NPSR1: variants seen among roughly 807,000 people sequenced by gnomAD.
The protein encoded by NPSR1 is neuropeptide S receptor 1, also known as neuropeptide S receptor.
Under a neutral mutation model 46.9 loss-of-function variants are expected in NPSR1, and 48 were observed. That is an observed-to-expected ratio of 1.02 (90% CI 0.81 to 1.30). The LOEUF (loss-of-function observed/expected upper bound fraction) is 1.30. NPSR1 is among the 50% of genes most tolerant of loss of function. NPSR1 has a pLI of 0.00. For synonymous variants in NPSR1, 176 were observed against 168.1 expected, an observed-to-expected ratio of 1.05 and a Z score of -0.36; for missense variants, 450 against 449.5, an observed-to-expected ratio of 1.00 and a Z score of -0.01.
chr7:34,734,988 A>T (rs1373033691), intron 2 of NPSR1, among the ~76,000 whole-genome samples: 1 of 152,176 alleles, frequency 6.6e-6, no homozygotes, highest in East Asian at 1.9e-4. Flanking sequence ...CTAGGCTTAC[A>T]CCACCCTTAG....
intron 2 of NPSR1, among the ~76,000 whole-genome samples, chr7:34,777,923 A>G (rs992986009): frequency 7.9e-5 from 12 of 152,254 alleles, no homozygotes; most frequent in Non-Finnish European, 1.5e-4. Context: ...AAATGGATAG[A>G]TCATACACTT....
chr7:34,751,564 T>C (rs1038184162), intron 2 of NPSR1: 16 of 1,596,386 alleles, frequency 1.0e-5, no homozygotes, highest in African/African-American at 1.3e-5. Flanking sequence ...CTTGGGATCT[T>C]TGGTCTTGTG....
intron 1 of NPSR1, 78 bp from the exon 2 acceptor site, chr7:34,684,474 C>A (rs1792821282): frequency 2.1e-6 from 3 of 1,455,432 alleles, no homozygotes; most frequent in African/African-American, 1.4e-5. Flanking sequence ...AGGAAGAAAT[C>A]CAGCCTGGGG....
At chr7:34,823,399 G>GAAAAAGAAAAAAAAAAAAAAAAA (rs1554336128) in intron 4 of NPSR1, among the ~76,000 whole-genome samples, 1 of 68,266 alleles carries the variant, frequency 1.5e-5, no homozygotes, top group African/African-American at 5.1e-5. Context: ...GACTTCACCA[G>GAAAAAGAAAAAAAAAAAAAAAAA]AAAAAAAAAA....
intron 2 of NPSR1, among the ~76,000 whole-genome samples, chr7:34,772,087 T>C (rs946630702): frequency 6.6e-6 from 1 of 152,190 alleles, no homozygotes; most frequent in Non-Finnish European, 1.5e-5. Context: ...AATAAAAGTT[T>C]TATTTTGTTT....
At chr7:34,821,355 C>T (rs1394244753) in intron 4 of NPSR1, among the ~76,000 whole-genome samples, 1 of 151,910 alleles carries the variant, frequency 6.6e-6, no homozygotes, top group Non-Finnish European at 1.5e-5. Context: ...GTCTCAAACT[C>T]CTGGGCTCAA....
chr7:34,851,846 T>C (rs114930038), downstream of NPSR1, among the ~76,000 whole-genome samples: 1,072 of 152,324 alleles, frequency 7.0e-3, 12 homozygotes, highest in African/African-American at 0.024. Flanking sequence ...GTCTCTCTCA[T>C]TTCCCGAGAA....
chr7:34,813,469 T>C (rs1007657256), intron 4 of NPSR1, among the ~76,000 whole-genome samples: 2 of 152,172 alleles, frequency 1.3e-5, no homozygotes, highest in Admixed American at 6.5e-5. Flanking sequence ...AAATGCTATA[T>C]AGCCTGCCTC....
intron 2 of NPSR1, among the ~76,000 whole-genome samples, chr7:34,743,374 A>T (rs895956692): frequency 7.3e-5 from 11 of 151,664 alleles, no homozygotes; most frequent in African/African-American, 2.7e-4. Flanking sequence ...ATGGCTTGCC[A>T]GTTATCTCAG....
In NPSR1 at chr7:34,861,959, C is replaced by T. The variant is rs188989832; in HGVS notation, c.1025+13296C>T. ...CTCCTAAGCCCATGCTCAGTTTAAGCCTGTGGTGATCCTCAGTGATCAGAA... is the reference window on the plus strand; with the variant it reads ...CTCCTAAGCCCATGCTCAGTTTAAGTCTGTGGTGATCCTCAGTGATCAGAA... On this transcript the variant is annotated intron_variant, in intron 8 of 8. Coordinates refer to the NPSR1 transcript ENST00000359791. 3.9e-5 allele frequency among the ~76,000 whole-genome samples: 6 copies of T among 151,966 alleles called. No homozygotes were observed. The East Asian group carries it at 7.7e-4, about 20-fold the overall frequency.
Position 34,683,081 on chromosome 7 carries a change from G to A in NPSR1, c.148-1471G>A, listed in dbSNP as rs1052017030. 5.3e-5 allele frequency among the ~76,000 whole-genome samples: 8 copies of A among 152,270 alleles called. No homozygotes were observed. In the South Asian group the frequency reaches 1.2e-3, roughly 24 times the overall value. On this transcript the variant is annotated intron_variant, in intron 1 of 8. Transcript: ENST00000360581. ...CACCTAGGATCTCAGAAACTGATCT[G>A]TAAATCCAGGATGGAGAGCCTAAAT...
rs1787768563 is a variant in NPSR1 at position 34,790,934 on chromosome 7, A to ATATTATATATCATATATGTTATGTGT, written c.384+12391_384+12392insGTGTTATTATATATCATATATGTTAT. On this transcript the variant is annotated intron_variant, in intron 3 of 8. Transcript: ENST00000360581. ...TTATATATCATATATGTTATATGTT[A>ATATTATATATCATATATGTTATGTGT]TATTATATATCATATATGTTATATG... is the stretch of plus-strand genomic sequence containing the variant. 3.1e-5 allele frequency among the ~76,000 whole-genome samples: 4 copies of ATATTATATATCATATATGTTATGTGT among 131,118 alleles called. 1 individual carries two copies. Among genetic ancestry groups the ATATTATATATCATATATGTTATGTGT allele is most frequent in the African/African-American group, 1.1e-4 (4 of 35,120 alleles). 86.0% of individuals were successfully genotyped at this position (131,118 alleles called of 152,430 possible). A position where few individuals can be genotyped will look rare whatever the true frequency, so the allele number is the denominator to read the frequency against.
At chr7:34,685,427 A>G (rs1792877073) in intron 2 of NPSR1, among the ~76,000 whole-genome samples, 1 of 152,190 alleles carries the variant, frequency 6.6e-6, no homozygotes, top group African/African-American at 2.4e-5. Context: ...GGTCCAGCAT[A>G]AGCCACACTT....
chr7:34,853,957 ACT>A (rs969900340), downstream of NPSR1, among the ~76,000 whole-genome samples: 1 of 147,400 alleles, frequency 6.8e-6, no homozygotes, highest in Non-Finnish European at 1.5e-5. Flanking sequence ...CAAGAAGGAA[ACT>A]CTGCCTGGAA....
intron 2 of NPSR1, among the ~76,000 whole-genome samples, chr7:34,765,407 A>T (rs1786382906): frequency 6.6e-6 from 1 of 152,234 alleles, no homozygotes; most frequent in South Asian, 2.1e-4. Context: ...AAAATACTTC[A>T]TGAAAGAGGA....
intron 8 of NPSR1, among the ~76,000 whole-genome samples, chr7:34,868,089 A>G (rs544780355): frequency 5.9e-5 from 9 of 151,988 alleles, no homozygotes; most frequent in Admixed American, 5.2e-4. Flanking sequence ...ATCTGCAGGC[A>G]CAGTGGGAGA....
chr7:34,769,385 A>G (rs950660722), intron 2 of NPSR1, among the ~76,000 whole-genome samples: 2 of 152,170 alleles, frequency 1.3e-5, no homozygotes, highest in Non-Finnish European at 2.9e-5. Flanking sequence ...CAACTAAAGA[A>G]ATCTATTTAT....
intron 2 of NPSR1, among the ~76,000 whole-genome samples, chr7:34,767,687 T>G (rs545060875): frequency 2.0e-5 from 3 of 152,040 alleles, no homozygotes; most frequent in African/African-American, 7.2e-5. Flanking sequence ...GAAGAGAGAA[T>G]GGGCAAAAGA....
At chr7:34,791,004 ATATG>A (rs1787791690) in intron 3 of NPSR1, among the ~76,000 whole-genome samples, 1 of 123,528 alleles carries the variant, frequency 8.1e-6, no homozygotes, top group African/African-American at 3.3e-5. Context: ...GTTATATGTT[ATATG>A]TTATATTATA....
Sources: allele counts gnomAD v4.1 joint callset (sites outside exome capture counted in the v4.1 genomes callset), GRCh38; gene constraint gnomAD v4.1.1; transcripts MANE v1.5; gene names NCBI Gene and HGNC (gene_info 2026-07-23, HGNC 2026-07-21).